The following NINL variants were observed in gnomAD, a reference collection of about 807,000 sequenced individuals.
The protein encoded by NINL is ninein-like protein.
Under a neutral mutation model 160.3 loss-of-function variants are expected in NINL, and 153 were observed. The observed-to-expected ratio is 0.95, with a 90% confidence interval of 0.84 to 1.09. The LOEUF is 1.09. NINL is among the 50% of genes least tolerant of loss of function. NINL has a pLI of 0.00. For missense variants in NINL, 1,829 were observed against 1,764.0 expected (o/e 1.04, Z -0.66); for synonymous variants, 800 against 734.8 (o/e 1.09, Z -1.43).
chr20:25,577,244 T>C (rs1263807482), intron 1 of NINL, among the ~76,000 whole-genome samples: 1 of 152,198 alleles, frequency 6.6e-6, no homozygotes, highest in East Asian at 1.9e-4. Context: ...CCCAGGACCG[T>C]GGGTACTCAG....
intron 13 of NINL, among the ~76,000 whole-genome samples, chr20:25,484,327 C>A (rs1052904509): frequency 1.6e-4 from 24 of 152,184 alleles, no homozygotes; most frequent in Non-Finnish European, 3.1e-4. Context: ...TGCCCTCAGT[C>A]AAGACACAGC....
intron 1 of NINL, among the ~76,000 whole-genome samples, chr20:25,560,374 C>T (rs2064920329): frequency 6.6e-6 from 1 of 152,190 alleles, no homozygotes; most frequent in African/African-American, 2.4e-5. Flanking sequence ...TTTCCAACTT[C>T]CTACGTGGCC....
intron 23 of NINL, among the ~76,000 whole-genome samples, chr20:25,455,133 G>A (rs909290354): frequency 4.6e-5 from 7 of 152,136 alleles, no homozygotes; most frequent in Admixed American, 3.3e-4. Context: ...CCCACCCACT[G>A]AGCCTTCCAA....
At chr20:25,515,426 A>G (rs529965354) in intron 3 of NINL, among the ~76,000 whole-genome samples, 42 of 152,340 alleles carry the variant, frequency 2.8e-4, no homozygotes, top group Admixed American at 2.2e-3. Context: ...CTACAGGCTC[A>G]TAGGCGGAAG....
chr20:25,569,460 C>G (rs148777878), intron 1 of NINL, among the ~76,000 whole-genome samples: 277 of 152,262 alleles, frequency 1.8e-3, no homozygotes, highest in Middle Eastern at 6.8e-3. Context: ...CGCCACAGTG[C>G]TGGGTTGGAG....
At chr20:25,583,392 A>G (rs2065195182) in intron 1 of NINL, among the ~76,000 whole-genome samples, 1 of 152,266 alleles carries the variant, frequency 6.6e-6, no homozygotes. Flanking sequence ...ATCACTGGTC[A>G]TTAGAGAAAT....
chr20:25,504,237 T>TA (rs746911426), intron 6 of NINL, 133 bp from the exon 7 acceptor site: 1 of 910,370 alleles, frequency 1.1e-6, no homozygotes. Flanking sequence ...TATCCAGCCT[T>TA]AAAACTGTGT....
At chr20:25,477,175 G>A (rs2063279580) in intron 16 of NINL, 86 bp from the exon 17 acceptor site, 4 of 1,259,776 alleles carry the variant, frequency 3.2e-6, no homozygotes, top group South Asian at 1.5e-5. Context: ...TGTTGCAACG[G>A]CTGCGACCTC....
At chr20:25,563,918 A>T (rs899418407) in intron 1 of NINL, among the ~76,000 whole-genome samples, 2 of 152,212 alleles carry the variant, frequency 1.3e-5, no homozygotes, top group African/African-American at 4.8e-5. Context: ...AAATACATAA[A>T]GCCAAAATGG....
chr20:25,505,159 T>C, intron 5 of NINL, 81 bp from the exon 6 acceptor site: 1 of 1,326,572 alleles, frequency 7.5e-7, no homozygotes, highest in Non-Finnish European at 1.0e-6. Context: ...AAGGACGTTC[T>C]GCCCTTTCCA....
chr20:25,469,854 G>A, intron 18 of NINL, 137 bp downstream of exon 18: 1 of 654,770 alleles, frequency 1.5e-6, no homozygotes, highest in Admixed American at 2.5e-5. Context: ...AGTTAACAAG[G>A]CTCATGGTTT....
intron 3 of NINL, 116 bp from the exon 4 acceptor site, chr20:25,513,122 A>C: frequency 1.0e-6 from 1 of 997,410 alleles, no homozygotes; most frequent in Non-Finnish European, 1.5e-6. Flanking sequence ...CCCCTCAAAC[A>C]CGTACTGCTC....
chr20:25,573,014 A>G (rs890542684), intron 1 of NINL, among the ~76,000 whole-genome samples: 3 of 152,194 alleles, frequency 2.0e-5, no homozygotes, highest in Non-Finnish European at 2.9e-5. Flanking sequence ...ATAAAAGAAT[A>G]GGCCAGGCGT....
At chr20:25,498,998 C>T (rs1338774170) in intron 8 of NINL, 24 of 985,370 alleles carry the variant, frequency 2.4e-5, no homozygotes, top group Non-Finnish European at 2.8e-5. Flanking sequence ...GTCGTGTTTG[C>T]TTTTTCCGCC....
At chr20:25,517,975 C>T (rs764400170) in intron 2 of NINL, 126 bp from the exon 3 acceptor site, 10 of 534,130 alleles carry the variant, frequency 1.9e-5, no homozygotes, top group Non-Finnish European at 2.9e-5. Flanking sequence ...TGAGAACATT[C>T]ACGTTTTCAA....
At chr20:25,480,052 C>A in intron 15 of NINL, 109 bp downstream of exon 15, 1 of 790,216 alleles carries the variant, frequency 1.3e-6, no homozygotes, top group Non-Finnish European at 2.2e-6. Context: ...CACAATGAGA[C>A]AAAGGATTCC....
chr20:25,571,729 T>C (rs1407895732), intron 1 of NINL, among the ~76,000 whole-genome samples: 1 of 151,690 alleles, frequency 6.6e-6, no homozygotes, highest in Non-Finnish European at 1.5e-5. Context: ...TAGCTGGGCA[T>C]AGTGGCACAC....
intron 10 of NINL, among the ~76,000 whole-genome samples, chr20:25,494,884 C>A (rs1426561057): frequency 6.6e-6 from 1 of 152,178 alleles, no homozygotes; most frequent in African/African-American, 2.4e-5. Context: ...AGAAAGCTGA[C>A]CAGTGGCCTT....
intron 6 of NINL, 92 bp from the exon 7 acceptor site, chr20:25,504,196 C>A: frequency 7.4e-7 from 1 of 1,354,728 alleles, no homozygotes; most frequent in Non-Finnish European, 1.0e-6. Context: ...CCTCTGGTTC[C>A]AAGTACCCAA....
Sources: allele counts gnomAD v4.1 joint callset (sites outside exome capture counted in the v4.1 genomes callset), GRCh38; gene constraint gnomAD v4.1.1; transcripts MANE v1.5; gene names NCBI Gene and HGNC (gene_info 2026-07-23, HGNC 2026-07-21).